The following CAMKMT variants were observed in gnomAD, a reference collection of about 807,000 sequenced individuals.
CAMKMT encodes calmodulin-lysine N-methyltransferase.
Under a neutral mutation model 48.0 loss-of-function variants are expected in CAMKMT, and 53 were observed. That is an observed-to-expected ratio of 1.10 (90% CI 0.89 to 1.39). The LOEUF (loss-of-function observed/expected upper bound fraction) is 1.39, where lower values mean the gene tolerates loss of function less well. CAMKMT is among the 40% of genes most tolerant of loss of function. The pLI is 0.00. For synonymous variants in CAMKMT, 165 were observed against 152.3 expected (o/e 1.08, Z -0.61); for missense variants, 428 against 402.7 (o/e 1.06, Z -0.54).
chr2:44,386,613 C>A (rs1680804141), intron 2 of CAMKMT, among the ~76,000 whole-genome samples: 1 of 152,014 alleles, frequency 6.6e-6, no homozygotes, highest in Non-Finnish European at 1.5e-5. Context: ...CTTAGACTGT[C>A]AGTTTGTGCT....
chr2:44,478,874 T>G (rs545661231), intron 3 of CAMKMT, among the ~76,000 whole-genome samples: 17 of 152,260 alleles, frequency 1.1e-4, no homozygotes, highest in Middle Eastern at 3.4e-3. Flanking sequence ...TAATTTTTTG[T>G]ATTTTTAGTA....
intron 3 of CAMKMT, among the ~76,000 whole-genome samples, chr2:44,574,553 G>A (rs1227646501): frequency 2.0e-5 from 3 of 151,868 alleles, no homozygotes; most frequent in African/African-American, 7.3e-5. Context: ...CTAGCCCTGA[G>A]AGGGGCAATC....
At chr2:44,455,147 G>A (rs560565747) in intron 3 of CAMKMT, among the ~76,000 whole-genome samples, 2 of 152,132 alleles carry the variant, frequency 1.3e-5, no homozygotes, top group African/African-American at 4.8e-5. Flanking sequence ...CCCACATACT[G>A]GGTTAACAAA....
chr2:44,651,965 T>C, intron 3 of CAMKMT, among the ~76,000 whole-genome samples: 1 of 152,234 alleles, frequency 6.6e-6, no homozygotes, highest in Non-Finnish European at 1.5e-5. Context: ...ATTATTCTAA[T>C]GTGAAAAAGT....
intron 3 of CAMKMT, among the ~76,000 whole-genome samples, chr2:44,670,535 C>G (rs1573036842): frequency 6.6e-6 from 1 of 152,214 alleles, no homozygotes; most frequent in East Asian, 1.9e-4. Flanking sequence ...ACCTATGGTC[C>G]TAGCCACTCA....
At chr2:44,694,507 G>C (rs1462553510) in intron 3 of CAMKMT, among the ~76,000 whole-genome samples, 1 of 152,174 alleles carries the variant, frequency 6.6e-6, no homozygotes, top group African/African-American at 2.4e-5. Flanking sequence ...AGGCTGCAGT[G>C]AGCCATGACG....
chr2:44,416,275 CTT>C (rs955072989), intron 3 of CAMKMT, among the ~76,000 whole-genome samples: 4 of 152,180 alleles, frequency 2.6e-5, no homozygotes, highest in Admixed American at 2.6e-4. Flanking sequence ...TTAGTTTACT[CTT>C]ATTTAATTTG....
chr2:44,624,794 A>G (rs1393069786), intron 3 of CAMKMT, among the ~76,000 whole-genome samples: 1 of 152,122 alleles, frequency 6.6e-6, no homozygotes, highest in Non-Finnish European at 1.5e-5. Context: ...ATACCTGTGC[A>G]TGTGTCTTTA....
At chr2:44,373,750 C>T (rs528910050) in intron 2 of CAMKMT, among the ~76,000 whole-genome samples, 1 of 151,954 alleles carries the variant, frequency 6.6e-6, no homozygotes, top group Non-Finnish European at 1.5e-5. Context: ...AACATAATAG[C>T]TAAAAATTGG....
chr2:44,692,634 AG>A (rs1676725824), intron 3 of CAMKMT, among the ~76,000 whole-genome samples: 1 of 152,324 alleles, frequency 6.6e-6, no homozygotes, highest in East Asian at 1.9e-4. Context: ...AGGCTTAAAA[AG>A]TTTAAATACC....
At chr2:44,706,047 G>T (rs1027957134) in intron 4 of CAMKMT, among the ~76,000 whole-genome samples, 1 of 152,076 alleles carries the variant, frequency 6.6e-6, no homozygotes, top group African/African-American at 2.4e-5. Context: ...GCTCAGCGGT[G>T]GTAATGTTGC....
intron 3 of CAMKMT, among the ~76,000 whole-genome samples, chr2:44,695,807 C>G (rs1285877058): frequency 6.6e-6 from 1 of 151,764 alleles, no homozygotes; most frequent in African/African-American, 2.4e-5. Context: ...CTTCTGGAGC[C>G]TTGAAGGCTC....
At position 44,545,956 on chromosome 2, in the gene CAMKMT, T is replaced by C. The variant is rs547879539; in HGVS notation, c.376+155651T>C. Among the ~76,000 whole-genome samples the C allele has an allele frequency of 2.0e-5, 3 of 152,252 alleles. No homozygotes were observed. The South Asian group carries it at 6.2e-4, about 32-fold the overall frequency. On this transcript the variant is annotated intron_variant, in intron 3 of 10. Transcript: ENST00000378494. Reference sequence around the variant, plus strand: ...TAAGATTCTAATATTTTTTGCCTTCTCTTATCAGAGGAAAATTTAGACTTT... The same window carrying C: ...TAAGATTCTAATATTTTTTGCCTTCCCTTATCAGAGGAAAATTTAGACTTT...
At chr2:44,567,299 A>G (rs1668665887) in intron 3 of CAMKMT, among the ~76,000 whole-genome samples, 1 of 152,158 alleles carries the variant, frequency 6.6e-6, no homozygotes, top group South Asian at 2.1e-4. Context: ...CAACCCGACC[A>G]TCAGTCAGTG....
intron 3 of CAMKMT, among the ~76,000 whole-genome samples, chr2:44,490,345 G>T (rs1669430460): frequency 6.6e-6 from 1 of 151,904 alleles, no homozygotes; most frequent in South Asian, 2.1e-4. Context: ...GCGCGATCTT[G>T]GCTCACCACA....
chr2:44,396,190 T>C (rs1287322957), intron 3 of CAMKMT, among the ~76,000 whole-genome samples: 1 of 152,148 alleles, frequency 6.6e-6, no homozygotes, highest in Non-Finnish European at 1.5e-5. Flanking sequence ...ATAATTTTAA[T>C]ATATTGAAAT....
intron 3 of CAMKMT, among the ~76,000 whole-genome samples, chr2:44,488,870 TG>T (rs1384788926): frequency 1.0e-4 from 15 of 148,458 alleles, no homozygotes; most frequent in Non-Finnish European, 2.0e-4. Flanking sequence ...TGTGTGTGTG[TG>T]TGTGTGTTTT....
chr2:44,480,304 A>C (rs1668901565), intron 3 of CAMKMT, among the ~76,000 whole-genome samples: 5 of 152,206 alleles, frequency 3.3e-5, no homozygotes, highest in Admixed American at 3.3e-4. Flanking sequence ...GGTCACTTGC[A>C]CACACATACA....
intron 3 of CAMKMT, among the ~76,000 whole-genome samples, chr2:44,512,613 T>C (rs1209380187): frequency 6.6e-6 from 1 of 152,236 alleles, no homozygotes; most frequent in Non-Finnish European, 1.5e-5. Flanking sequence ...TCCTGTATGA[T>C]GTTTCTAAAC....
Sources: allele counts gnomAD v4.1 joint callset (sites outside exome capture counted in the v4.1 genomes callset), GRCh38; gene constraint gnomAD v4.1.1; transcripts MANE v1.5; gene names NCBI Gene and HGNC (gene_info 2026-07-23, HGNC 2026-07-21).